Variants in PARPBP observed in about 807,000 individuals in gnomAD.
The protein encoded by PARPBP is PARP1 binding protein.
PARPBP carries 52 observed loss-of-function variants against 50.0 expected under a neutral mutation model. The observed-to-expected ratio is 1.04, with a 90% CI of 0.83 to 1.31. The LOEUF is 1.31. Ranked by LOEUF, PARPBP falls within the 50% of genes most tolerant of loss-of-function variation. The probability of loss-of-function intolerance (pLI) is 0.00; values close to 1 mark genes in which losing one functional copy is unlikely to be tolerated. For missense variants in PARPBP, 697 were observed against 672.0 expected, an observed-to-expected ratio of 1.04 and a Z score of -0.41; for synonymous variants, 244 against 232.1, an observed-to-expected ratio of 1.05 and a Z score of -0.47.
chr12:102,143,368 TC>T (rs1446697770), intron 2 of PARPBP, among the ~76,000 whole-genome samples: 2 of 152,198 alleles, frequency 1.3e-5, no homozygotes, highest in Admixed American at 6.5e-5. Flanking sequence ...GTCCCGATTT[TC>T]CAGGTACCAT....
intron 7 of PARPBP, among the ~76,000 whole-genome samples, chr12:102,178,249 T>C (rs182430097): frequency 6.6e-6 from 1 of 152,296 alleles, no homozygotes; most frequent in African/African-American, 2.4e-5. Context: ...CATCATTCTT[T>C]GGCATAAGAG....
chr12:102,170,838 T>C (rs113311173), intron 6 of PARPBP, among the ~76,000 whole-genome samples: 1 of 152,086 alleles, frequency 6.6e-6, no homozygotes, highest in African/African-American at 2.4e-5. Flanking sequence ...CACAAATACA[T>C]TGTACAGCTG....
chr12:102,141,796 G>A (rs1884644887), intron 2 of PARPBP, among the ~76,000 whole-genome samples: 2 of 152,278 alleles, frequency 1.3e-5, no homozygotes, highest in African/African-American at 4.8e-5. Context: ...TTTTCTTTAA[G>A]AATGTTGAAT....
intron 2 of PARPBP, among the ~76,000 whole-genome samples, chr12:102,146,734 A>C (rs1437988546): frequency 6.6e-6 from 1 of 152,174 alleles, no homozygotes; most frequent in Non-Finnish European, 1.5e-5. Flanking sequence ...AATTAAACTA[A>C]AGAGCTTCTG....
intron 9 of PARPBP, among the ~76,000 whole-genome samples, chr12:102,184,990 T>C (rs547698938): frequency 6.6e-6 from 1 of 152,288 alleles, no homozygotes; most frequent in African/African-American, 2.4e-5. Context: ...TAGAAAATAA[T>C]TAGATAACTT....
chr12:102,167,352 T>C (rs545104127), intron 6 of PARPBP, among the ~76,000 whole-genome samples: 8 of 152,290 alleles, frequency 5.3e-5, no homozygotes, highest in African/African-American at 1.9e-4. Flanking sequence ...GTAAAAATAT[T>C]GTTATCTGCT....
intron 2 of PARPBP, among the ~76,000 whole-genome samples, chr12:102,140,754 C>T (rs1043637934): frequency 6.6e-6 from 1 of 152,186 alleles, no homozygotes; most frequent in Admixed American, 6.5e-5. Flanking sequence ...AGTAGTCATT[C>T]AGGAGCAGGT....
chr12:102,161,149 AG>A (rs1219740537), intron 4 of PARPBP, among the ~76,000 whole-genome samples: 7 of 152,058 alleles, frequency 4.6e-5, no homozygotes, highest in African/African-American at 7.2e-5. Context: ...TCTGTCGCTC[AG>A]GCTGGAGTGC....
In PARPBP at chr12:102,175,565, A is replaced by G. The variant is rs753181434; in HGVS notation, c.904A>G (p.Ile302Val). ...CAGCAGGGATCCTTTTTGCAAAGCAATAGAGGAAGTTGCTCAGGATTTGGA... is the reference window on the plus strand; with the variant it reads ...CAGCAGGGATCCTTTTTGCAAAGCAGTAGAGGAAGTTGCTCAGGATTTGGA... Reference protein sequence around the residue: ...QNSRDPFCKAIEEVAQDLDLR... With the variant: ...QNSRDPFCKAVEEVAQDLDLR... The change falls in exon 7 of 11, where the codon ATA becomes GTA. Residue 302 changes from isoleucine to valine, a missense_variant. Coordinates refer to ENST00000327680, the MANE Select transcript of PARPBP (RefSeq NM_017915.5). 5.0e-6 allele frequency: 8 copies of G among 1,613,376 alleles called. No individual in the cohort carries two copies. The highest frequency in any genetic ancestry group is 4.5e-5 in the East Asian group (2 of 44,838).
chr12:102,185,163 G>GTCCTCAACTTTTATT (rs1890193094), intron 9 of PARPBP, among the ~76,000 whole-genome samples: 1 of 152,066 alleles, frequency 6.6e-6, no homozygotes, highest in Admixed American at 6.5e-5. Context: ...CTCATTTTAG[G>GTCCTCAACTTTTATT]TCCTCAACTT....
intron 5 of PARPBP, 36 bp from the exon 6 acceptor site, chr12:102,165,693 A>C (rs766171916): frequency 1.3e-5 from 20 of 1,511,834 alleles, no homozygotes; most frequent in Non-Finnish European, 1.7e-5. Flanking sequence ...TTAATAAATC[A>C]CTGGACATAA....
intron 4 of PARPBP, chr12:102,154,866 CT>C: frequency 2.2e-6 from 1 of 453,230 alleles, no homozygotes; most frequent in Non-Finnish European, 4.4e-6. Flanking sequence ...AGTCTAGCAC[CT>C]TTTAATAGGA....
chr12:102,125,686 T>C (rs965146602), intron 2 of PARPBP, among the ~76,000 whole-genome samples: 1 of 152,222 alleles, frequency 6.6e-6, no homozygotes, highest in Non-Finnish European at 1.5e-5. Context: ...GTGATATATG[T>C]TGGGGTTAAA....
intron 6 of PARPBP, among the ~76,000 whole-genome samples, chr12:102,173,307 C>T (rs1450528983): frequency 6.6e-6 from 1 of 152,116 alleles, no homozygotes; most frequent in African/African-American, 2.4e-5. Context: ...AATGGTAAAA[C>T]GTTTTAGTGT....
At chr12:102,137,435 GT>G (rs1883806556) in intron 2 of PARPBP, among the ~76,000 whole-genome samples, 1 of 151,964 alleles carries the variant, frequency 6.6e-6, no homozygotes, top group Non-Finnish European at 1.5e-5. Context: ...TAAGTTTTAG[GT>G]TTTTAGCATG....
chr12:102,155,591 T>G (rs1341663301), intron 4 of PARPBP, among the ~76,000 whole-genome samples: 1 of 11,694 alleles, frequency 8.6e-5, no homozygotes, highest in Non-Finnish European at 1.7e-4. Flanking sequence ...CCTGAGAGCA[T>G]GGTGGGGGGG....
chr12:102,133,613 C>G (rs1297460385), intron 2 of PARPBP, among the ~76,000 whole-genome samples: 1 of 151,586 alleles, frequency 6.6e-6, no homozygotes. Flanking sequence ...TTGTAGTGTC[C>G]TAGTGTGGCT....
intron 2 of PARPBP, among the ~76,000 whole-genome samples, chr12:102,142,216 C>T (rs552333745): frequency 6.6e-6 from 1 of 152,170 alleles, no homozygotes; most frequent in Admixed American, 6.5e-5. Context: ...AACTTGTCTT[C>T]TCGCTTCATT....
chr12:102,194,021 T>A (rs1256019097), intron 9 of PARPBP, among the ~76,000 whole-genome samples: 2 of 152,048 alleles, frequency 1.3e-5, no homozygotes, highest in African/African-American at 2.4e-5. Flanking sequence ...AGATGGAGAC[T>A]GTCACAGACC....
Sources: allele counts gnomAD v4.1 joint callset (sites outside exome capture counted in the v4.1 genomes callset), GRCh38; gene constraint gnomAD v4.1.1; transcripts MANE v1.5; gene names NCBI Gene and HGNC (gene_info 2026-07-23, HGNC 2026-07-21).